The following CCDC77 variants were observed in gnomAD, a reference collection of about 807,000 sequenced individuals.
CCDC77 encodes coiled-coil domain containing 77.
In CCDC77, 56 loss-of-function variants were observed where a neutral mutation model predicts 66.8. That is an observed-to-expected ratio of 0.84 (90% CI 0.68 to 1.05). The LOEUF (loss-of-function observed/expected upper bound fraction) is 1.05. Among genes scored for constraint, CCDC77 ranks in the 50% least tolerant of loss-of-function variants. The probability of loss-of-function intolerance (pLI) is 0.00; values close to 1 mark genes in which losing one functional copy is unlikely to be tolerated. For missense variants in CCDC77, 570 were observed against 576.8 expected (o/e 0.99, Z 0.12); for synonymous variants, 196 against 195.2 (o/e 1.00, Z -0.03).
chr12:415,388 G>A (rs7961734), intron 4 of CCDC77, among the ~76,000 whole-genome samples: 27,787 of 100,536 alleles, frequency 0.28, 6,050 homozygotes, highest in East Asian at 0.48. Flanking sequence ...ATAATATTAT[G>A]TTAATATAAT....
chr12:412,130 T>C (rs1360762043), intron 4 of CCDC77, 152 bp downstream of exon 4: 4 of 648,860 alleles, frequency 6.2e-6, no homozygotes, highest in East Asian at 5.5e-5. Context: ...CAGGCCCTCC[T>C]TGGATCATAA....
intron 9 of CCDC77, among the ~76,000 whole-genome samples, chr12:437,090 G>A (rs1285310255): frequency 6.6e-6 from 1 of 152,058 alleles, no homozygotes; most frequent in African/African-American, 2.4e-5. Flanking sequence ...GAAAATAAGT[G>A]GATCTCACAT....
chr12:431,625 G>A (rs962497205), intron 7 of CCDC77, among the ~76,000 whole-genome samples: 13 of 152,178 alleles, frequency 8.5e-5, no homozygotes, highest in Non-Finnish European at 1.6e-4. Flanking sequence ...GCCAGAAGAT[G>A]AATATGATTA....
intron 3 of CCDC77, among the ~76,000 whole-genome samples, chr12:410,714 T>C (rs1945091111): frequency 1.3e-5 from 2 of 151,560 alleles, no homozygotes; most frequent in South Asian, 4.2e-4. Flanking sequence ...CCCGGCTAAT[T>C]TTTGTATTTT....
At chr12:402,206 C>T (rs1047278244) in intron 1 of CCDC77, among the ~76,000 whole-genome samples, 3 of 152,148 alleles carry the variant, frequency 2.0e-5, no homozygotes, top group Admixed American at 6.5e-5. Flanking sequence ...CGTTAATTTA[C>T]CTATAAACAA....
At chr12:408,498 G>C (rs1411074554) in intron 2 of CCDC77, among the ~76,000 whole-genome samples, 1 of 152,090 alleles carries the variant, frequency 6.6e-6, no homozygotes, top group Non-Finnish European at 1.5e-5. Flanking sequence ...GATATAGTGG[G>C]TACTCTGCCT....
chr12:406,098 C>T (rs906262832), intron 2 of CCDC77, among the ~76,000 whole-genome samples: 4 of 151,962 alleles, frequency 2.6e-5, no homozygotes, highest in South Asian at 4.2e-4. Context: ...TTTGTAGAGA[C>T]AGGGTTTTGC....
intron 1 of CCDC77, among the ~76,000 whole-genome samples, chr12:394,302 C>T (rs1375544554): frequency 6.6e-6 from 1 of 152,186 alleles, no homozygotes; most frequent in Non-Finnish European, 1.5e-5. Context: ...TACTTCATCG[C>T]ACAGACAAAA....
chr12:428,823 T>C lies in CCDC77; in HGVS notation c.468T>C (p.Asp156=). The C allele has an allele frequency of 1.2e-6, 2 of 1,613,344 alleles. No homozygotes were observed. Among genetic ancestry groups the C allele is most frequent in the Non-Finnish European group, 1.7e-6 (2 of 1,179,598 alleles). ...ATCTCTTGGCTCTTGTGGGAACAGATGCTGGAGAAGTGACCTATTTTTGTA... is the reference window on the plus strand; with the variant it reads ...ATCTCTTGGCTCTTGTGGGAACAGACGCTGGAGAAGTGACCTATTTTTGTA... ...IQNLLALVGT[D]AGEVTYFCKE... The change falls in exon 6 of 13, where the codon GAT becomes GAC. Residue 156 remains aspartate, a synonymous_variant. Coordinates refer to ENST00000239830, the MANE Select transcript of CCDC77 (RefSeq NM_032358.4).
intron 4 of CCDC77, among the ~76,000 whole-genome samples, chr12:415,987 G>C (rs557424337): frequency 3.6e-4 from 54 of 151,840 alleles, no homozygotes; most frequent in Admixed American, 7.9e-4. Context: ...TGTACTTTTA[G>C]TAGGGACTGG....
chr12:413,432 G>T (rs1270722998), intron 4 of CCDC77, among the ~76,000 whole-genome samples: 1 of 150,316 alleles, frequency 6.7e-6, no homozygotes, highest in African/African-American at 2.5e-5. Context: ...GTAGAGACAG[G>T]GTTTCACCGT....
intron 10 of CCDC77, among the ~76,000 whole-genome samples, chr12:439,202 G>C (rs945081881): frequency 6.6e-6 from 1 of 152,216 alleles, no homozygotes; most frequent in Middle Eastern, 3.4e-3. Flanking sequence ...AGAAAAAACA[G>C]AAACATTAGC....
intron 1 of CCDC77, among the ~76,000 whole-genome samples, chr12:405,137 G>T (rs552862939): frequency 1.3e-5 from 2 of 152,292 alleles, no homozygotes; most frequent in African/African-American, 4.8e-5. Flanking sequence ...ACTGATACAT[G>T]GTACCACATA....
intron 4 of CCDC77, 134 bp downstream of exon 4, chr12:412,112 T>A (rs901019078): frequency 2.0e-5 from 14 of 707,390 alleles, no homozygotes; most frequent in East Asian, 8.2e-5. Flanking sequence ...GCCCAGCTAT[T>A]GCCCCTTCAG....
In CCDC77 at chr12:441,806, T is replaced by G; in HGVS notation, c.1353T>G (p.Leu451=). ...TTAATGCCCGGGCAAACCAGGATCT[T>G]GCCCTTCTGTGTGAGGTCCGTGACA... The part of the protein sequence containing the change: ...ATVNARANQD[L]ALLCEVRDSN... The change falls in exon 13 of 13, where the codon CTT becomes CTG. Residue 451 remains leucine, a synonymous_variant. Coordinates refer to ENST00000239830, the MANE Select transcript of CCDC77 (RefSeq NM_032358.4). The G allele has an allele frequency of 6.2e-7, 1 of 1,613,788 alleles. No individual in the cohort carries two copies. Among genetic ancestry groups the G allele is most frequent in the South Asian group, 1.1e-5 (1 of 91,056 alleles).
At position 389,573 on chromosome 12, in the gene CCDC77, A is replaced by AGGCGGGGCGAGGCGGGGCGAGGCGGGG. The variant is rs1364572907; in HGVS notation, c.-113+87_-113+88insGGCGGGGCGAGGCGGGGCGAGGCGGGG. ...ACGGGGCGAGGCGGGGCGAGGCGCA[A>AGGCGGGGCGAGGCGGGGCGAGGCGGGG]CGAGGCGGGGCGAGGCGCGACGCGA... On this transcript the variant is annotated intron_variant, in intron 1 of 11. Transcript: ENST00000422000. The AGGCGGGGCGAGGCGGGGCGAGGCGGGG allele has an allele frequency of 8.1e-3, 347 of 42,900 alleles. 4 individuals carry two copies. Among genetic ancestry groups the AGGCGGGGCGAGGCGGGGCGAGGCGGGG allele is most frequent in the African/African-American group, 0.03 (241 of 7,904 alleles). The allele number at this position is 42,900 out of a possible 1,614,324, so 2.7% of individuals were successfully genotyped here.
chr12:410,445 T>A (rs534659371), intron 3 of CCDC77, among the ~76,000 whole-genome samples: 1 of 150,642 alleles, frequency 6.6e-6, no homozygotes, highest in East Asian at 1.9e-4. Context: ...TTTTTGTATT[T>A]TCGGTAGAGA....
chr12:409,643 G>C, intron 3 of CCDC77: 1 of 537,036 alleles, frequency 1.9e-6, no homozygotes, highest in Non-Finnish European at 3.3e-6. Context: ...CAGCCTCCCA[G>C]AGTGCTGTGA....
At chr12:423,365 C>G (rs1292097032) in intron 5 of CCDC77, among the ~76,000 whole-genome samples, 8 of 147,236 alleles carry the variant, frequency 5.4e-5, no homozygotes, top group Non-Finnish European at 4.5e-5. Flanking sequence ...GTCTCAAACT[C>G]CTGAGCTCAA....
Sources: gnomAD v4.1 joint callset for allele counts (sites outside exome capture counted in the v4.1 genomes callset) on GRCh38, gnomAD v4.1.1 for gene constraint, MANE v1.5 for transcripts, NCBI Gene and HGNC (gene_info 2026-07-23, HGNC 2026-07-21) for gene names.